PTPRD: variants seen among roughly 807,000 people sequenced by gnomAD.
PTPRD encodes receptor-type tyrosine-protein phosphatase delta.
Under a neutral mutation model 214.5 loss-of-function variants are expected in PTPRD, and 34 were observed. That is an observed-to-expected ratio of 0.16 (90% confidence interval 0.12 to 0.21). PTPRD has a LOEUF of 0.21. Among genes scored for constraint, PTPRD ranks in the 10% least tolerant of loss-of-function variants. PTPRD has a pLI of 1.00. For missense variants in PTPRD, 2,545 were observed against 2,398.7 expected (o/e 1.06, Z -1.27); for synonymous variants, 1,128 against 845.7 (o/e 1.33, Z -5.79).
chr9:10,339,294 C>T (rs768641530), intron 3 of PTPRD, among the ~76,000 whole-genome samples: 3 of 151,716 alleles, frequency 2.0e-5, no homozygotes, highest in Non-Finnish European at 2.9e-5. Context: ...TGCATAAAGG[C>T]TTTTTCATTG....
Position 9,751,412 on chromosome 9 carries a change from T to A in PTPRD, c.-326+15398A>T, listed in dbSNP as rs116975032. Among the ~76,000 whole-genome samples the A allele has an allele frequency of 3.3e-5, 5 of 152,208 alleles. No individual in the cohort carries two copies. In the East Asian group the frequency reaches 9.7e-4, roughly 29 times the overall value. On this transcript the variant is annotated intron_variant, in intron 6 of 45. Coordinates refer to ENST00000381196, the MANE Select transcript of PTPRD (RefSeq NM_002839.4). ...CAACATTAGAACCTGAGTTAACTCATCTCTACAATGGGAATAATAATGAGA... is the reference window on the plus strand; with the variant it reads ...CAACATTAGAACCTGAGTTAACTCAACTCTACAATGGGAATAATAATGAGA...
At chr9:9,221,597 G>T (rs369928744) in intron 9 of PTPRD, among the ~76,000 whole-genome samples, 4 of 152,088 alleles carry the variant, frequency 2.6e-5, no homozygotes, top group East Asian at 3.9e-4. Flanking sequence ...GAGACAGAGA[G>T]TGACCTCTCT....
At chr9:8,357,476 G>C (rs767034100) in intron 39 of PTPRD, among the ~76,000 whole-genome samples, 22 of 152,142 alleles carry the variant, frequency 1.4e-4, no homozygotes, top group Non-Finnish European at 2.9e-4. Context: ...GGGATAAACC[G>C]AGGGCTGAAT....
chr9:10,159,365 T>C (rs2099113236), intron 3 of PTPRD, among the ~76,000 whole-genome samples: 1 of 151,394 alleles, frequency 6.6e-6, no homozygotes, highest in Non-Finnish European at 1.5e-5. Flanking sequence ...GAAAAAATAT[T>C]GCAAATATAT....
intron 12 of PTPRD, among the ~76,000 whole-genome samples, chr9:8,676,889 TTTG>T (rs1214318004): frequency 1.3e-5 from 2 of 152,112 alleles, no homozygotes; most frequent in Non-Finnish European, 2.9e-5. Flanking sequence ...TCATCTATAT[TTTG>T]TTGTTGTTAA....
At chr9:10,289,192 T>A (rs952724020) in intron 3 of PTPRD, among the ~76,000 whole-genome samples, 2 of 152,188 alleles carry the variant, frequency 1.3e-5, no homozygotes, top group Non-Finnish European at 2.9e-5. Flanking sequence ...TTGGGTAGAT[T>A]TATTCACAAC....
chr9:10,048,280 G>A (rs1218232851), intron 3 of PTPRD, among the ~76,000 whole-genome samples: 8 of 142,764 alleles, frequency 5.6e-5, no homozygotes, highest in Non-Finnish European at 1.1e-4. Flanking sequence ...TTCTTACTTC[G>A]ATCTCTGTTT....
At chr9:9,103,618 A>G (rs2099794411) in intron 10 of PTPRD, among the ~76,000 whole-genome samples, 1 of 152,142 alleles carries the variant, frequency 6.6e-6, no homozygotes, top group Admixed American at 6.6e-5. Flanking sequence ...TCCATAAGAA[A>G]AAAAAAAATC....
intron 10 of PTPRD, among the ~76,000 whole-genome samples, chr9:9,177,957 A>G (rs1331045370): frequency 6.6e-6 from 1 of 152,156 alleles, no homozygotes; most frequent in Non-Finnish European, 1.5e-5. Context: ...AACATGAAAT[A>G]TTTTATCGAT....
intron 8 of PTPRD, among the ~76,000 whole-genome samples, chr9:9,421,449 C>A (rs375095770): frequency 1.3e-5 from 2 of 152,000 alleles, no homozygotes; most frequent in African/African-American, 2.4e-5. Context: ...TTTCTGAAAA[C>A]GAGTTGTTAA....
chr9:9,955,277 A>G (rs2093808166), intron 4 of PTPRD, among the ~76,000 whole-genome samples: 1 of 152,216 alleles, frequency 6.6e-6, no homozygotes, highest in South Asian at 2.1e-4. Flanking sequence ...GTGAAAGTGT[A>G]AAATGACTTT....
chr9:10,188,735 A>G (rs2154317288), intron 3 of PTPRD, among the ~76,000 whole-genome samples: 1 of 152,292 alleles, frequency 6.6e-6, no homozygotes, highest in South Asian at 2.1e-4. Context: ...GAGAATGAAG[A>G]CATAAGATTC....
intron 9 of PTPRD, among the ~76,000 whole-genome samples, chr9:9,322,915 C>T (rs1036722835): frequency 3.3e-5 from 5 of 152,088 alleles, no homozygotes; most frequent in Admixed American, 6.5e-5. Flanking sequence ...TCTGTATGCA[C>T]ATTTACTTGA....
intron 10 of PTPRD, among the ~76,000 whole-genome samples, chr9:9,142,441 C>T (rs544860162): frequency 1.3e-5 from 2 of 152,292 alleles, no homozygotes; most frequent in African/African-American, 2.4e-5. Flanking sequence ...AATGCAATGA[C>T]GGGTAAGTGG....
intron 7 of PTPRD, among the ~76,000 whole-genome samples, chr9:9,654,786 G>T (rs1311473583): frequency 6.6e-6 from 1 of 152,044 alleles, no homozygotes; most frequent in African/African-American, 2.4e-5. Context: ...CACACATCAG[G>T]TTTGTTTATT....
At chr9:10,191,946 G>A (rs1352469897) in intron 3 of PTPRD, among the ~76,000 whole-genome samples, 2 of 152,150 alleles carry the variant, frequency 1.3e-5, no homozygotes, top group Non-Finnish European at 2.9e-5. Flanking sequence ...CGGTGTGTCT[G>A]CAAAGCTGAT....
At chr9:8,473,697 T>C (rs770143046) in intron 30 of PTPRD, among the ~76,000 whole-genome samples, 4 of 151,774 alleles carry the variant, frequency 2.6e-5, no homozygotes, top group Non-Finnish European at 5.9e-5. Flanking sequence ...AAAAAAAAAA[T>C]CCATTCTTTC....
intron 3 of PTPRD, among the ~76,000 whole-genome samples, chr9:10,301,919 A>T (rs935778336): frequency 6.6e-6 from 1 of 152,120 alleles, no homozygotes. Context: ...AAATACAGAG[A>T]ACACCACAAA....
At chr9:9,918,364 A>AC (rs982720419) in intron 5 of PTPRD, among the ~76,000 whole-genome samples, 4 of 150,680 alleles carry the variant, frequency 2.7e-5, no homozygotes, top group African/African-American at 9.7e-5. Flanking sequence ...AAAAAAAAAA[A>AC]AAAAAACTCC....
Sources: gnomAD v4.1 joint callset for allele counts (sites outside exome capture counted in the v4.1 genomes callset) on GRCh38, gnomAD v4.1.1 for gene constraint, MANE v1.5 for transcripts, NCBI Gene and HGNC (gene_info 2026-07-23, HGNC 2026-07-21) for gene names.